Variants in CFAP77 observed in about 807,000 individuals in gnomAD.
CFAP77 encodes cilia- and flagella-associated protein 77.
CFAP77 carries 25 observed loss-of-function variants against 31.1 expected under a neutral mutation model. That is an observed-to-expected ratio of 0.80 (90% CI 0.59 to 1.12). The LOEUF (loss-of-function observed/expected upper bound fraction) is 1.12, where lower values mean the gene tolerates loss of function less well. CFAP77 is among the 50% of genes most tolerant of loss of function. The pLI, the probability that CFAP77 is intolerant of heterozygous loss-of-function variation, is 0.00. For missense variants in CFAP77, 377 were observed against 397.3 expected, an observed-to-expected ratio of 0.95 and a Z score of 0.44; for synonymous variants, 151 against 159.9, an observed-to-expected ratio of 0.94 and a Z score of 0.42.
rs1391568990 is a variant in CFAP77, at chr9:132,481,328, C to G, written c.196-17367C>G. 6.6e-6 allele frequency among the ~76,000 whole-genome samples: 1 copy of G among 152,204 alleles called. No individual in the cohort carries two copies. Among genetic ancestry groups the G allele is most frequent in the African/African-American group, 2.4e-5 (1 of 41,444 alleles). ...CCTCTGGACAGTCTCACAGACATCC[C>G]TCCTTGGGGACTTCCCCTCTCCTGA... On this transcript the variant is annotated intron_variant, in intron 1 of 5. Transcript: ENST00000393216. This position sits in a 1 kb window ranked among gnomAD's most constrained non-coding sequence, Gnocchi z 5.0.
intron 1 of CFAP77, among the ~76,000 whole-genome samples, chr9:132,476,649 G>C (rs1388193821): frequency 1.3e-5 from 2 of 152,136 alleles, no homozygotes; most frequent in Non-Finnish European, 2.9e-5. Context: ...CCAATGACTG[G>C]TGTTCTGACA....
chr9:132,537,265 G>A (rs1028277857), intron 3 of CFAP77, among the ~76,000 whole-genome samples: 6 of 152,118 alleles, frequency 3.9e-5, no homozygotes, highest in African/African-American at 1.4e-4. Context: ...TGAAGGGGTG[G>A]GGAATCAACG....
intron 1 of CFAP77, among the ~76,000 whole-genome samples, chr9:132,433,954 T>C (rs765257782): frequency 7.0e-6 from 1 of 143,028 alleles, no homozygotes; most frequent in Non-Finnish European, 1.5e-5. Context: ...CTGGGCAACA[T>C]AGGGAGACCC....
chr9:132,546,965 T>C (rs997064252), intron 5 of CFAP77, among the ~76,000 whole-genome samples: 1 of 152,180 alleles, frequency 6.6e-6, no homozygotes, highest in African/African-American at 2.4e-5. Flanking sequence ...TGGGGGCCCT[T>C]GGAGGTGCAG....
At chr9:132,563,579 G>A (rs150438992) in intron 5 of CFAP77, among the ~76,000 whole-genome samples, 196 of 152,322 alleles carry the variant, frequency 1.3e-3, no homozygotes, top group African/African-American at 4.4e-3. Flanking sequence ...TGGTACTACC[G>A]TGAGGATTCC....
chr9:132,489,749 G>A (rs1202021549), intron 1 of CFAP77, among the ~76,000 whole-genome samples: 2 of 152,186 alleles, frequency 1.3e-5, no homozygotes, highest in Non-Finnish European at 1.5e-5. Flanking sequence ...TCCAGTTTGC[G>A]ACCTGTCTAG....
intron 1 of CFAP77, among the ~76,000 whole-genome samples, chr9:132,437,093 G>C (rs1226208945): frequency 2.6e-5 from 4 of 152,110 alleles, no homozygotes; most frequent in African/African-American, 9.7e-5. Flanking sequence ...TCTGACTTCT[G>C]TGTCATGTGC....
At chr9:132,437,381 A>T (rs544947722) in intron 1 of CFAP77, among the ~76,000 whole-genome samples, 1 of 152,336 alleles carries the variant, frequency 6.6e-6, no homozygotes, top group East Asian at 1.9e-4. Context: ...TACGGGTTCA[A>T]ACTCGACGCA....
chr9:132,510,919 C>G (rs1852025676), intron 3 of CFAP77, among the ~76,000 whole-genome samples: 1 of 152,096 alleles, frequency 6.6e-6, no homozygotes, highest in Admixed American at 6.6e-5. Flanking sequence ...TCTCTTATCC[C>G]CATTTTATAG....
At chr9:132,464,814 G>A (rs975560833) in intron 1 of CFAP77, among the ~76,000 whole-genome samples, 7 of 152,210 alleles carry the variant, frequency 4.6e-5, no homozygotes, top group African/African-American at 9.6e-5. Context: ...ATGCTGGGCC[G>A]GGCGCAGTGG....
rs1025183389 is a variant in CFAP77, at chr9:132,410,215, G to A, written c.-57G>A. The A allele has an allele frequency of 7.1e-7, 1 of 1,413,476 alleles. No individual in the cohort carries two copies. The highest frequency in any genetic ancestry group is 9.4e-7 in the Non-Finnish European group (1 of 1,059,210). 87.6% of individuals were successfully genotyped at this position (1,413,476 alleles called of 1,614,324 possible). ...CCCTTCGGAGCTCCAGGCTGTGCCC[G>A]ACGTGGGGAAGCGCGCCCAAACCAG... On this transcript the variant is annotated 5_prime_UTR_variant, in exon 1 of 6. Coordinates refer to ENST00000393216, the MANE Select transcript of CFAP77 (RefSeq NM_001282957.2).
chr9:132,559,403 T>C (rs1383716446), intron 5 of CFAP77, among the ~76,000 whole-genome samples: 3 of 101,124 alleles, frequency 3.0e-5, no homozygotes, highest in African/African-American at 4.2e-5. Flanking sequence ...CCAAAGGAGA[T>C]AAACAAATAA....
At chr9:132,503,596 T>G (rs891958395) in intron 3 of CFAP77, among the ~76,000 whole-genome samples, 1 of 152,154 alleles carries the variant, frequency 6.6e-6, no homozygotes, top group African/African-American at 2.4e-5. Context: ...GGTCTAAACC[T>G]TCACGCCAAT....
At chr9:132,459,421 GT>G (rs1328743122) in intron 1 of CFAP77, among the ~76,000 whole-genome samples, 11 of 53,642 alleles carry the variant, frequency 2.1e-4, no homozygotes, top group African/African-American at 8.3e-4. Flanking sequence ...GATGAATAGG[GT>G]GTGTGTGTGT....
chr9:132,507,888 T>A (rs1183559718), intron 3 of CFAP77, among the ~76,000 whole-genome samples: 1 of 152,196 alleles, frequency 6.6e-6, no homozygotes, highest in East Asian at 1.9e-4. Flanking sequence ...AGAGAGGGCC[T>A]GAAATGTACA....
At chr9:132,437,386 G>A (rs563167007) in intron 1 of CFAP77, among the ~76,000 whole-genome samples, 9 of 152,222 alleles carry the variant, frequency 5.9e-5, no homozygotes, top group East Asian at 3.9e-4. Flanking sequence ...GTTCAAACTC[G>A]ACGCAGGACG....
chr9:132,561,575 T>C (rs1429125215), intron 5 of CFAP77, among the ~76,000 whole-genome samples: 1 of 145,116 alleles, frequency 6.9e-6, no homozygotes, highest in Non-Finnish European at 1.5e-5. Context: ...AGCGCCAGAT[T>C]TGGTTTCTTC....
chr9:132,530,254 C>A (rs1420987796), intron 3 of CFAP77, among the ~76,000 whole-genome samples: 5 of 149,898 alleles, frequency 3.3e-5, no homozygotes, highest in African/African-American at 1.2e-4. Flanking sequence ...CCTGAGCCAC[C>A]GGGCTAGGCT....
Position 132,545,866 on chromosome 9 carries a change from A to G in CFAP77, c.732+2819A>G, listed in dbSNP as rs1447214380. Among the ~76,000 whole-genome samples, 1 of 152,120 alleles carries G rather than the reference A, an allele frequency of 6.6e-6. No individual in the cohort carries two copies. Among genetic ancestry groups the G allele is most frequent in the Non-Finnish European group, 1.5e-5 (1 of 68,008 alleles). On this transcript the variant is annotated intron_variant, in intron 5 of 5. Coordinates refer to ENST00000393216, the MANE Select transcript of CFAP77 (RefSeq NM_001282957.2). This position sits in a 1 kb window ranked among gnomAD's most constrained non-coding sequence, Gnocchi z 4.6. ...GGTTTCCTAGCCCCAGGGCCTCCCG[A>G]GGACCCCTTCCCTCACCTCCAGGCC...
Sources: allele counts gnomAD v4.1 joint callset (sites outside exome capture counted in the v4.1 genomes callset), GRCh38; gene constraint gnomAD v4.1.1; non-coding constraint Gnocchi (gnomAD v3.1); transcripts MANE v1.5; gene names NCBI Gene and HGNC (gene_info 2026-07-23, HGNC 2026-07-21).